ADGRF1: variants seen among roughly 807,000 people sequenced by gnomAD.
The protein encoded by ADGRF1 is G protein-coupled receptor 110.
ADGRF1 carries 85 observed loss-of-function variants against 87.2 expected under a neutral mutation model. The observed-to-expected ratio is 0.97, with a 90% CI of 0.82 to 1.17. The LOEUF is 1.17. ADGRF1 is among the 50% of genes most tolerant of loss of function. ADGRF1 has a pLI of 0.00. For missense variants in ADGRF1, 1,169 were observed against 1,077.2 expected (o/e 1.09, Z -1.19); for synonymous variants, 430 against 408.8 (o/e 1.05, Z -0.63).
intron 1 of ADGRF1, among the ~76,000 whole-genome samples, chr6:47,031,325 T>C (rs1249030231): frequency 6.8e-6 from 1 of 146,980 alleles, no homozygotes; most frequent in Non-Finnish European, 1.5e-5. Flanking sequence ...TGTCTCTCTC[T>C]CTCTCTTCTC....
In ADGRF1 at chr6:47,009,485, C is replaced by T. The variant is rs773097753; in HGVS notation, c.1950G>A (p.Thr650=). ...CTGTGCAGACTCCAGAAGGGTTCAC[C>T]GTGGTGTCCACTGTGGCACCAACAA... ...WFIVGATVDT[T]VNPSGVCTAA... Residue 650 remains threonine, a synonymous_variant, in exon 11 of 15, where the codon ACG becomes ACA. Transcript: ENST00000371253. The T allele has an allele frequency of 3.9e-5, 63 of 1,613,664 alleles. No homozygotes were observed. Among genetic ancestry groups the T allele is most frequent in the Non-Finnish European group, 5.2e-5 (61 of 1,179,900 alleles).
rs1300454837 is a variant in ADGRF1, at chr6:47,016,653, G to C, written c.727C>G (p.Pro243Ala). Residue 243 changes from proline (P) to alanine (A), a missense_variant, in exon 8 of 15, where the codon CCA becomes GCA. Transcript: ENST00000371253. Reference protein sequence around the residue: ...KAKTALHKLFPLEDGSFRVFG... With the variant: ...KAKTALHKLFALEDGSFRVFG... ...ACTCTGAAAGAGCCGTCTTCTAATG[G>C]AAACAGCTTGTGAAGGGCTGTCTTA... 1.2e-6 allele frequency: 2 copies of C among 1,610,536 alleles called. No individual in the cohort carries two copies. Among genetic ancestry groups the C allele is most frequent in the African/African-American group, 2.7e-5 (2 of 74,852 alleles).
Position 46,999,702 on chromosome 6 carries a change from C to T in ADGRF1, c.*520G>A, listed in dbSNP as rs1053691268. 6.6e-6 allele frequency: 1 copy of T among 152,532 alleles called. No homozygotes were observed. Among genetic ancestry groups the T allele is most frequent in the Non-Finnish European group, 1.5e-5 (1 of 68,266 alleles). 9.4% of individuals were successfully genotyped at this position (152,532 alleles called of 1,614,324 possible). On this transcript the variant is annotated 3_prime_UTR_variant, in exon 15 of 15. Coordinates refer to ENST00000371253, the MANE Select transcript of ADGRF1 (RefSeq NM_153840.4). The stretch of plus-strand genomic sequence containing the variant: ...AACTTTCAATATTAAGTGATAGAAC[C>T]TAAGAAGCAAAAGCGAACATAAAAT...
rs996165572 is a variant in ADGRF1, at chr6:46,999,616, T to C, written c.*606A>G. ...CATTATATATCATATCACATTATTA[T>C]ACTTTCTGATAAATGGTTACAAAGC... On this transcript the variant is annotated 3_prime_UTR_variant, in exon 15 of 15. Transcript: ENST00000371253. 8.5e-5 allele frequency: 13 copies of C among 152,678 alleles called. No homozygotes were observed. Among genetic ancestry groups the C allele is most frequent in the African/African-American group, 3.1e-4 (13 of 41,590 alleles). The allele number at this position is 152,678 out of a possible 1,614,324, so 9.5% of individuals were successfully genotyped here.
chr6:47,031,347 CTCTG>C (rs1453906297), intron 1 of ADGRF1, among the ~76,000 whole-genome samples: 31 of 127,528 alleles, frequency 2.4e-4, no homozygotes, highest in South Asian at 2.1e-3. Context: ...CTCTCTCTCT[CTCTG>C]TCTCTCTCTC....
At chr6:47,026,087 A>G in intron 3 of ADGRF1, 84 bp from the exon 4 acceptor site, 1 of 1,256,050 alleles carries the variant, frequency 8.0e-7, no homozygotes, top group Non-Finnish European at 1.1e-6. Context: ...AACAATCATC[A>G]AATTTAGGTC....
In ADGRF1 at chr6:47,010,115, T is replaced by C. The variant is rs367965623; in HGVS notation, c.1320A>G (p.Gln440=). The C allele has an allele frequency of 3.0e-5, 48 of 1,614,150 alleles. No homozygotes were observed. In the South Asian group the frequency reaches 4.2e-4, roughly 14 times the overall value. Residue 440 remains glutamine, a synonymous_variant, in exon 11 of 15, where the codon CAA becomes CAG. Coordinates refer to ENST00000371253, the MANE Select transcript of ADGRF1 (RefSeq NM_153840.4). ...TCTGATAGCTGTAACCCCTTTTGAG[T>C]TGGCTTTTGTTCACTGGAATCCCTT... ...DWKGIPVNKS[Q]LKRGYSYQIK...
chr6:47,009,622 T>C lies in ADGRF1; in HGVS notation c.1813A>G (p.Ile605Val). ...TGCTTCCAAAACAAAGCCTCGATGA[T>C]CAGGCATAAAATGAGACTTCCAATG... ...ISIGSLILCL[I>V]IEALFWKQIK... is the part of the protein sequence containing the mutation. Residue 605 changes from isoleucine (I) to valine (V), a missense_variant, in exon 11 of 15, where the codon ATC becomes GTC. Coordinates refer to ENST00000371253, the MANE Select transcript of ADGRF1 (RefSeq NM_153840.4). The C allele has an allele frequency of 1.2e-6, 2 of 1,614,072 alleles. No individual in the cohort carries two copies. The highest frequency in any genetic ancestry group is 1.1e-5 in the South Asian group (1 of 91,080).
intron 3 of ADGRF1, 93 bp downstream of exon 3, chr6:47,027,611 G>A: frequency 1.3e-6 from 1 of 775,516 alleles, no homozygotes; most frequent in Non-Finnish European, 2.3e-6. Flanking sequence ...ATGTGCCTAG[G>A]ATCATACAAC....
intron 5 of ADGRF1, among the ~76,000 whole-genome samples, chr6:47,023,498 T>C (rs1780130816): frequency 6.6e-6 from 1 of 152,220 alleles, no homozygotes; most frequent in African/African-American, 2.4e-5. Flanking sequence ...TCATTGAACA[T>C]AAATCTAAGT....
intron 5 of ADGRF1, among the ~76,000 whole-genome samples, chr6:47,022,804 C>CTTTTTTTTTTTTTTTTTTTTTT (rs11286179): frequency 1.7e-4 from 20 of 119,270 alleles, no homozygotes; most frequent in South Asian, 2.8e-4. Flanking sequence ...TTTCTTTTTT[C>CTTTTTTTTTTTTTTTTTTTTTT]TTTTTTTTTT....
In ADGRF1 at chr6:47,040,621, C is replaced by T. The variant is rs1034502728; in HGVS notation, c.-44+1570G>A. Among the ~76,000 whole-genome samples, 3 of 152,268 alleles carry T rather than the reference C, an allele frequency of 2.0e-5. No individual in the cohort carries two copies. In the East Asian group the frequency reaches 5.8e-4, roughly 29 times the overall value. The stretch of plus-strand genomic sequence containing the variant: ...TTCAGTGACACTTGTCCCGGGGATG[C>T]CACTCCCCCACTTTCTGACTTGTGC... On this transcript the variant is annotated intron_variant, in intron 1 of 14. Coordinates refer to ENST00000371253, the MANE Select transcript of ADGRF1 (RefSeq NM_153840.4).
At chr6:47,041,977 AATC>A (rs1780752817) in intron 1 of ADGRF1, among the ~76,000 whole-genome samples, 1 of 152,174 alleles carries the variant, frequency 6.6e-6, no homozygotes, top group Non-Finnish European at 1.5e-5. Flanking sequence ...AGCCTCAGCC[AATC>A]ACCTCATTAT....
At chr6:47,020,554 C>CTTTA in intron 7 of ADGRF1, 177 bp downstream of exon 7, 1 of 1,507,304 alleles carries the variant, frequency 6.6e-7, no homozygotes, top group Non-Finnish European at 8.8e-7. Flanking sequence ...AGAATCTAGG[C>CTTTA]TTTACTCTTC....
chr6:47,018,187 G>A lies in ADGRF1; in HGVS notation c.612-1419C>T, dbSNP rs537128413. On this transcript the variant is annotated intron_variant, in intron 7 of 14. Coordinates refer to ENST00000371253, the MANE Select transcript of ADGRF1 (RefSeq NM_153840.4). ...ATTTGAGTCTGGAGTTCAGGGGAGT[G>A]CCCGAGCTCAAGTAATAAATTTAGA... The A allele has an allele frequency of 1.1e-4, 34 of 312,698 alleles. No individual in the cohort carries two copies. In the East Asian group the frequency reaches 2.1e-3, roughly 20 times the overall value. The allele number at this position is 312,698 out of a possible 1,614,324, so 19.4% of individuals were successfully genotyped here.
At chr6:47,030,576 A>ATGTGTGTGTGTGTGTGTGTG (rs3030596) in intron 1 of ADGRF1, among the ~76,000 whole-genome samples, 1 of 138,464 alleles carries the variant, frequency 7.2e-6, no homozygotes, top group South Asian at 2.5e-4. Flanking sequence ...TAACATGAAT[A>ATGTGTGTGTGTGTGTGTGTG]TGTGTGTGTG....
chr6:47,009,114 A>C lies in ADGRF1; in HGVS notation c.2321T>G (p.Val774Gly). The change falls in exon 11 of 15, where the codon GTT becomes GGT. Residue 774 changes from valine to glycine, a missense_variant. Transcript: ENST00000371253. ...GTCATCCCGACTCAGTCTTTCCCCA[A>C]CAGTCGGCCTCCAGAGCTTTGTGAG... ...LVLTKLWRPT[V>G]GERLSRDDKA... is the part of the protein sequence containing the mutation. The C allele has an allele frequency of 6.2e-7, 1 of 1,614,128 alleles. No individual in the cohort carries two copies. Among genetic ancestry groups the C allele is most frequent in the South Asian group, 1.1e-5 (1 of 91,086 alleles).
intron 1 of ADGRF1, among the ~76,000 whole-genome samples, chr6:47,030,574 A>ATG (rs1491348365): frequency 1.9e-4 from 19 of 99,328 alleles, no homozygotes; most frequent in Admixed American, 5.7e-4. Context: ...GATAACATGA[A>ATG]TATGTGTGTG....
intron 10 of ADGRF1, among the ~76,000 whole-genome samples, chr6:47,011,630 G>A (rs559014865): frequency 1.3e-5 from 2 of 152,330 alleles, no homozygotes; most frequent in South Asian, 4.1e-4. Context: ...ACCATATTCA[G>A]TTGAGAGAAG....
Sources: allele counts gnomAD v4.1 joint callset (sites outside exome capture counted in the v4.1 genomes callset), GRCh38; gene constraint gnomAD v4.1.1; transcripts MANE v1.5; gene names NCBI Gene and HGNC (gene_info 2026-07-23, HGNC 2026-07-21).